The following NUP54 variants were observed in gnomAD, a reference collection of about 807,000 sequenced individuals.
NUP54 encodes the protein nucleoporin p54.
Under a neutral mutation model 66.4 loss-of-function variants are expected in NUP54, and 27 were observed. That is an observed-to-expected ratio of 0.41 (90% CI 0.30 to 0.56). The LOEUF is 0.56. NUP54 is among the 20% of genes least tolerant of loss of function. The probability of loss-of-function intolerance (pLI) is 0.34; values close to 1 mark genes in which losing one functional copy is unlikely to be tolerated. For synonymous variants in NUP54, 206 were observed against 210.7 expected (o/e 0.98, Z 0.19); for missense variants, 486 against 596.3 (o/e 0.82, Z 1.93).
intron 3 of NUP54, among the ~76,000 whole-genome samples, chr4:76,143,567 GC>G (rs1377766686): frequency 3.5e-4 from 54 of 152,158 alleles, no homozygotes; most frequent in Admixed American, 9.2e-4. Context: ...TCGTGCCACT[GC>G]ACTCCAGCCT....
At chr4:76,131,524 G>A (rs1462123415) in intron 6 of NUP54, among the ~76,000 whole-genome samples, 1 of 151,842 alleles carries the variant, frequency 6.6e-6, no homozygotes, top group Non-Finnish European at 1.5e-5. Flanking sequence ...AATATAGAAA[G>A]AGTTCCTATA....
chr4:76,144,344 C>A (rs1001275114), intron 2 of NUP54, 46 bp downstream of exon 2: 2 of 1,592,618 alleles, frequency 1.3e-6, no homozygotes, highest in African/African-American at 2.7e-5. Context: ...AAAAATCTGA[C>A]CTCTACTTCA....
At chr4:76,145,970 A>G (rs1348321243) in intron 1 of NUP54, 1 of 296,180 alleles carries the variant, frequency 3.4e-6, no homozygotes, top group Non-Finnish European at 6.6e-6. Flanking sequence ...ACATTTTCAT[A>G]AAAGTCACCC....
intron 4 of NUP54, among the ~76,000 whole-genome samples, chr4:76,134,914 T>C (rs1730968631): frequency 6.6e-6 from 1 of 152,128 alleles, no homozygotes; most frequent in Admixed American, 6.5e-5. Flanking sequence ...GTAAGTGTTC[T>C]GAGCATGTTT....
Position 76,137,651 on chromosome 4 carries a change from T to C in NUP54, c.296-1239A>G, listed in dbSNP as rs541851524. The stretch of plus-strand genomic sequence containing the variant: ...GTAACTTTGGGCAAATCAACCTCTC[T>C]GGGATACCAATTTCTCTAATGGAAA... On this transcript the variant is annotated intron_variant, in intron 3 of 11. Transcript: ENST00000264883. Among the ~76,000 whole-genome samples, 26 of 150,370 alleles carry C rather than the reference T, an allele frequency of 1.7e-4. No individual in the cohort carries two copies. In the East Asian group the frequency reaches 3.5e-3, roughly 20 times the overall value.
In NUP54 at chr4:76,118,294, C is replaced by CA. The variant is rs1208350366; in HGVS notation, c.1165-101dup. ...TTACTGAAAGAAATCAGCTGAAAAT[C>CA]AAACAACAGTAGGGTTCAACAGTTC... On this transcript the variant is annotated intron_variant, in intron 9 of 11. Coordinates refer to ENST00000264883, the MANE Select transcript of NUP54 (RefSeq NM_017426.4). 50 of 1,091,222 alleles carry CA rather than the reference C, an allele frequency of 4.6e-5. No individual in the cohort carries two copies. In the African/African-American group the frequency reaches 7.3e-4, roughly 16 times the overall value. The allele number at this position is 1,091,222 out of a possible 1,614,324, so 67.6% of individuals were successfully genotyped here.
intron 8 of NUP54, among the ~76,000 whole-genome samples, chr4:76,129,839 T>C (rs554724548): frequency 1.9e-5 from 2 of 107,266 alleles, no homozygotes; most frequent in South Asian, 6.9e-4. Flanking sequence ...TGCTCCAGCC[T>C]GGGCGACAGA....
chr4:76,123,358 A>T (rs1730315292), intron 9 of NUP54, among the ~76,000 whole-genome samples: 1 of 152,012 alleles, frequency 6.6e-6, no homozygotes, highest in South Asian at 2.1e-4. Flanking sequence ...GGCCTTTTTC[A>T]TGTTTCATCT....
chr4:76,145,411 C>A, intron 1 of NUP54: 1 of 224,794 alleles, frequency 4.4e-6, no homozygotes, highest in Non-Finnish European at 8.6e-6. Context: ...AAACAGCATG[C>A]CAAACATATC....
Position 76,124,730 on chromosome 4 carries a change from T to A in NUP54, c.1083A>T (p.Leu361=). The change falls in exon 9 of 12, where the codon CTA becomes CTT. Residue 361 remains leucine (L), a synonymous_variant. Transcript: ENST00000264883. ...LDIISEDISE[L]QKNQTTSVAK... ...CTACAGATGTAGTTTGATTCTTTTG[T>A]AGCTCACTAATATCTTCAGATATGA... 1 of 1,427,264 alleles carries A rather than the reference T, an allele frequency of 7.0e-7. No homozygotes were observed. Among genetic ancestry groups the A allele is most frequent in the Non-Finnish European group, 9.4e-7 (1 of 1,059,958 alleles). The allele number at this position is 1,427,264 out of a possible 1,614,324, so 88.4% of individuals were successfully genotyped here. A position where few individuals can be genotyped will look rare whatever the true frequency, so the allele number is the denominator to read the frequency against.
intron 8 of NUP54, among the ~76,000 whole-genome samples, chr4:76,125,855 G>GA (rs759427528): frequency 1.4e-5 from 1 of 73,098 alleles, no homozygotes; most frequent in Non-Finnish European, 2.4e-5. Flanking sequence ...GGAGAGAGGG[G>GA]GAGGGGGAGG....
intron 3 of NUP54, among the ~76,000 whole-genome samples, chr4:76,136,823 A>T (rs1731060570): frequency 6.6e-6 from 1 of 152,222 alleles, no homozygotes; most frequent in African/African-American, 2.4e-5. Flanking sequence ...CAGTACTGCC[A>T]GGACCTTCAT....
At chr4:76,121,491 G>A (rs1388100056) in intron 9 of NUP54, among the ~76,000 whole-genome samples, 3 of 152,016 alleles carry the variant, frequency 2.0e-5, no homozygotes, top group East Asian at 3.9e-4. Flanking sequence ...TCCCTATGTT[G>A]CCCAGGCAAC....
In NUP54 at chr4:76,145,672, C is replaced by G. The variant is rs1444144526; in HGVS notation, c.68-1199G>C. 3 of 708,394 alleles carry G rather than the reference C, an allele frequency of 4.2e-6. No individual in the cohort carries two copies. In the East Asian group the frequency reaches 2.4e-4, roughly 57 times the overall value. 43.9% of individuals were successfully genotyped at this position (708,394 alleles called of 1,614,324 possible). A position where few individuals can be genotyped will look rare whatever the true frequency, so the allele number is the denominator to read the frequency against. On this transcript the variant is annotated intron_variant, in intron 1 of 11. Transcript: ENST00000264883. Reference sequence around the variant, plus strand: ...CTTATTGTCAGTCTTCAGCTGATTACCAATGTGGTATCAAAAAGCCTTTCA... The same window carrying G: ...CTTATTGTCAGTCTTCAGCTGATTAGCAATGTGGTATCAAAAAGCCTTTCA...
chr4:76,143,698 C>T (rs531955405), intron 3 of NUP54, among the ~76,000 whole-genome samples: 33 of 152,096 alleles, frequency 2.2e-4, no homozygotes, highest in Non-Finnish European at 3.5e-4. Context: ...ACTTGAATGA[C>T]AAAATATAAA....
At chr4:76,143,617 T>G (rs1016595373) in intron 3 of NUP54, among the ~76,000 whole-genome samples, 2 of 151,754 alleles carry the variant, frequency 1.3e-5, no homozygotes, top group Non-Finnish European at 2.9e-5. Context: ...AAATAAAAAA[T>G]AAATAAAAAA....
intron 9 of NUP54, among the ~76,000 whole-genome samples, chr4:76,121,655 T>C (rs1730243683): frequency 6.6e-6 from 1 of 152,230 alleles, no homozygotes; most frequent in Non-Finnish European, 1.5e-5. Flanking sequence ...AAAGCTGTAA[T>C]TCATTTTTAA....
intron 4 of NUP54, 21 bp from the exon 5 acceptor site, chr4:76,134,383 CAATATAAAA>C (rs1356611976): frequency 6.3e-7 from 1 of 1,583,326 alleles, no homozygotes; most frequent in African/African-American, 1.4e-5. Flanking sequence ...ACAAAATAAA[CAATATAAAA>C]AATATGTACA....
chr4:76,139,311 T>C lies in NUP54; in HGVS notation c.296-2899A>G, dbSNP rs144301342. ...AATCTTAGCATCACCAAAAGTGAGATAGCCTCTCAACGTGACGTGATATGA... is the reference window on the plus strand; with the variant it reads ...AATCTTAGCATCACCAAAAGTGAGACAGCCTCTCAACGTGACGTGATATGA... On this transcript the variant is annotated intron_variant, in intron 3 of 11. Transcript: ENST00000264883. 2.6e-4 allele frequency among the ~76,000 whole-genome samples: 40 copies of C among 152,318 alleles called. 1 individual carries two copies. The highest frequency in any genetic ancestry group is 2.5e-3 in the East Asian group (13 of 5,182).
Sources: gnomAD v4.1 joint callset for allele counts (sites outside exome capture counted in the v4.1 genomes callset) on GRCh38, gnomAD v4.1.1 for gene constraint, MANE v1.5 for transcripts, NCBI Gene and HGNC (gene_info 2026-07-23, HGNC 2026-07-21) for gene names.